The following CYP2C18 variants were observed in gnomAD, a reference collection of about 807,000 sequenced individuals.
The protein encoded by CYP2C18 is cytochrome P450 2C18.
A neutral mutation model predicts 41.3 loss-of-function variants in CYP2C18; 38 were observed. The observed-to-expected ratio is 0.92, with a 90% CI of 0.71 to 1.21. The LOEUF (loss-of-function observed/expected upper bound fraction) is 1.21, where lower values mean the gene tolerates loss of function less well. Ranked by LOEUF, CYP2C18 falls within the 50% of genes most tolerant of loss-of-function variation. The pLI is 0.00. For synonymous variants in CYP2C18, 236 were observed against 210.0 expected (o/e 1.12, Z -1.07); for missense variants, 635 against 591.4 (o/e 1.07, Z -0.77).
rs1361058984 is a variant in CYP2C18, at chr10:94,684,366, C to T, written c.168+379C>T. ...CCCTTATTTGGCCCATCTCCACCTG[C>T]CAGCCTCTGGTAGCCACCATTCTAA... On this transcript the variant is annotated intron_variant, in intron 1 of 8. Transcript: ENST00000285979. Among the ~76,000 whole-genome samples, 3 of 152,246 alleles carry T rather than the reference C, an allele frequency of 2.0e-5. 1 individual carries two copies. The South Asian group carries it at 6.2e-4, about 32-fold the overall frequency.
Position 94,735,378 on chromosome 10 carries a change from C to T in CYP2C18, c.1407C>T (p.Ile469=). ...AGGTTGACCCAAAGGATATTGACAT[C>T]ACCCCCATTGCCAATGCATTTGGTC... ...KSQVDPKDID[I]TPIANAFGRV... Residue 469 remains isoleucine, a synonymous_variant, in exon 9 of 9, where the codon ATC becomes ATT. Transcript: ENST00000285979. 1 of 1,613,766 alleles carries T rather than the reference C, an allele frequency of 6.2e-7. No individual in the cohort carries two copies. Among genetic ancestry groups the T allele is most frequent in the Non-Finnish European group, 8.5e-7 (1 of 1,179,756 alleles).
At position 94,690,859 on chromosome 10, in the gene CYP2C18, G is replaced by C. The variant is rs147041922; in HGVS notation, c.481+2585G>C. Among the ~76,000 whole-genome samples the C allele has an allele frequency of 8.9e-3, 1,356 of 152,288 alleles. 20 individuals carry two copies. The highest frequency in any genetic ancestry group is 0.031 in the African/African-American group (1,298 of 41,558). On this transcript the variant is annotated intron_variant, in intron 3 of 8. Transcript: ENST00000285979. ...GTAGGCTTCATCCCTGGGATGCAAG[G>C]CTGGTCCAACATATGAAAATCAATA... is the stretch of plus-strand genomic sequence containing the variant.
chr10:94,708,998 T>C (rs74967207), intron 5 of CYP2C18, among the ~76,000 whole-genome samples: 7,261 of 152,256 alleles, frequency 0.048, 235 homozygotes, highest in South Asian at 0.11. Flanking sequence ...ATTGTTTCTG[T>C]TTTGGCTGTT....
At chr10:94,720,051 T>G (rs1342153064) in intron 5 of CYP2C18, among the ~76,000 whole-genome samples, 5 of 152,120 alleles carry the variant, frequency 3.3e-5, no homozygotes, top group Admixed American at 2.6e-4. Flanking sequence ...AGGTGATATC[T>G]ATATCACCTC....
At chr10:94,712,421 A>G (rs905101191) in intron 5 of CYP2C18, among the ~76,000 whole-genome samples, 1 of 151,596 alleles carries the variant, frequency 6.6e-6, no homozygotes, top group African/African-American at 2.4e-5. Flanking sequence ...GATTCCACAT[A>G]TAAGTGAGAA....
rs754922319 is a variant in CYP2C18, at chr10:94,706,930, TATTG to T, written c.794_797del (p.Asp265ValfsTer3). On this transcript the variant is annotated frameshift_variant, in exon 5 of 9. Transcript: ENST00000285979. LOFTEE classifies it high-confidence loss of function. ...TGGACATGAACAGTGCTCGGGACTT[TATTG>T]ATTGTTTCCTGATCAAAATGGAACA... 111 of 1,609,182 alleles carry T rather than the reference TATTG, an allele frequency of 6.9e-5. No homozygotes were observed. Among genetic ancestry groups the T allele is most frequent in the South Asian group, 2.0e-4 (18 of 90,030 alleles).
At chr10:94,735,206 G>T in intron 8 of CYP2C18, 57 bp from the exon 9 acceptor site, 1 of 1,524,140 alleles carries the variant, frequency 6.6e-7, no homozygotes, top group South Asian at 1.1e-5. Flanking sequence ...CATACTCTTT[G>T]TGACTGTTCA....
intron 1 of CYP2C18, among the ~76,000 whole-genome samples, chr10:94,685,419 T>A (rs1412367205): frequency 6.6e-6 from 1 of 152,196 alleles, no homozygotes; most frequent in Non-Finnish European, 1.5e-5. Flanking sequence ...ATCTCATTTG[T>A]CTAGTTTTGC....
chr10:94,692,497 C>A (rs1003385049), intron 3 of CYP2C18, among the ~76,000 whole-genome samples: 1 of 151,978 alleles, frequency 6.6e-6, no homozygotes, highest in Non-Finnish European at 1.5e-5. Context: ...GTTAGAATGG[C>A]GATCATTAAA....
intron 4 of CYP2C18, among the ~76,000 whole-genome samples, chr10:94,699,262 A>G (rs777244415): frequency 2.6e-5 from 4 of 152,222 alleles, no homozygotes; most frequent in Non-Finnish European, 4.4e-5. Flanking sequence ...CCAGCAGCAC[A>G]TCAAAAAGCT....
intron 4 of CYP2C18, among the ~76,000 whole-genome samples, chr10:94,703,471 G>C (rs1347554912): frequency 6.6e-6 from 1 of 152,190 alleles, no homozygotes; most frequent in African/African-American, 2.4e-5. Context: ...GGCTACAGGG[G>C]CTTTGTGGTG....
chr10:94,702,963 G>A (rs1251196185), intron 4 of CYP2C18, among the ~76,000 whole-genome samples: 2 of 152,174 alleles, frequency 1.3e-5, no homozygotes, highest in Non-Finnish European at 2.9e-5. Context: ...CTTTCTGTTT[G>A]TTAGTTTTCC....
chr10:94,717,396 G>A (rs562654064), intron 5 of CYP2C18, among the ~76,000 whole-genome samples: 5 of 152,086 alleles, frequency 3.3e-5, no homozygotes, highest in Non-Finnish European at 7.4e-5. Context: ...AAATCTCTCA[G>A]GGTTTGCTTG....
intron 5 of CYP2C18, among the ~76,000 whole-genome samples, chr10:94,711,261 T>C (rs1847431091): frequency 6.6e-6 from 1 of 152,178 alleles, no homozygotes; most frequent in Non-Finnish European, 1.5e-5. Flanking sequence ...AAGTTGACTA[T>C]TACCTCACAT....
At chr10:94,694,399 G>A (rs12243416) in intron 3 of CYP2C18, among the ~76,000 whole-genome samples, 30,391 of 151,964 alleles carry the variant, frequency 0.2, 3,225 homozygotes, top group Middle Eastern at 0.23. Flanking sequence ...GTTTACATTT[G>A]TTCCATCAAC....
intron 8 of CYP2C18, among the ~76,000 whole-genome samples, chr10:94,734,036 A>C (rs929552582): frequency 6.6e-6 from 1 of 152,090 alleles, no homozygotes; most frequent in Non-Finnish European, 1.5e-5. Flanking sequence ...AAGAGGAAGG[A>C]AACTTAAGCT....
At chr10:94,716,253 T>C (rs1847540637) in intron 5 of CYP2C18, among the ~76,000 whole-genome samples, 1 of 152,200 alleles carries the variant, frequency 6.6e-6, no homozygotes. Context: ...CTTGCTTCTC[T>C]AGTTCTTTTA....
At chr10:94,687,127 A>G (rs1179251655) in intron 1 of CYP2C18, among the ~76,000 whole-genome samples, 2 of 152,214 alleles carry the variant, frequency 1.3e-5, no homozygotes, top group African/African-American at 2.4e-5. Flanking sequence ...AGTGTATAGC[A>G]TGGAAAACAT....
chr10:94,722,659 C>T (rs1847667057), intron 6 of CYP2C18, among the ~76,000 whole-genome samples: 1 of 152,032 alleles, frequency 6.6e-6, no homozygotes. Flanking sequence ...GAAAATTCTC[C>T]CTGCCTAGTT....
Sources: gnomAD v4.1 joint callset for allele counts (sites outside exome capture counted in the v4.1 genomes callset) on GRCh38, gnomAD v4.1.1 for gene constraint, MANE v1.5 for transcripts, NCBI Gene and HGNC (gene_info 2026-07-23, HGNC 2026-07-21) for gene names.